The following CHST9 variants were observed in gnomAD, a reference collection of about 807,000 sequenced individuals.
CHST9 encodes the protein GalNAc-4-sulfotransferase 2.
Under a neutral mutation model 44.4 loss-of-function variants are expected in CHST9, and 41 were observed. The ratio of observed to expected loss-of-function variants is 0.92; its 90% CI spans 0.72 to 1.20. The LOEUF (loss-of-function observed/expected upper bound fraction) is 1.20, where lower values mean the gene tolerates loss of function less well. CHST9 is among the 50% of genes most tolerant of loss of function. CHST9 has a pLI of 0.00. For missense variants in CHST9, 504 were observed against 516.5 expected (o/e 0.98, Z 0.23); for synonymous variants, 171 against 178.4 (o/e 0.96, Z 0.33).
chr18:27,086,174 A>T (rs944833180), intron 2 of CHST9, among the ~76,000 whole-genome samples: 6 of 152,198 alleles, frequency 3.9e-5, no homozygotes. Context: ...TACTGTGATC[A>T]TTGCCTGGAT....
Position 27,022,502 on chromosome 18 carries a change from C to T in CHST9, c.202+1614G>A, listed in dbSNP as rs547220962. 8.6e-4 allele frequency among the ~76,000 whole-genome samples: 131 copies of T among 152,234 alleles called. 1 individual carries two copies. The highest frequency in any genetic ancestry group is 1.6e-3 in the Non-Finnish European group (107 of 68,006). Reference sequence around the variant, plus strand: ...TTCTCTAAACTCCAATTATTGTTTTCGACCACTTAAAGGGTATCTTTTCTT... The same window carrying T: ...TTCTCTAAACTCCAATTATTGTTTTTGACCACTTAAAGGGTATCTTTTCTT... On this transcript the variant is annotated intron_variant, in intron 4 of 5. Transcript: ENST00000618847.
chr18:27,076,843 G>A (rs1056113440), intron 2 of CHST9, among the ~76,000 whole-genome samples: 27 of 152,306 alleles, frequency 1.8e-4, no homozygotes, highest in African/African-American at 6.0e-4. Flanking sequence ...GGGAAAAGGA[G>A]ACGAGGCTAC....
intron 2 of CHST9, among the ~76,000 whole-genome samples, chr18:27,075,471 C>T (rs1468151336): frequency 2.0e-5 from 3 of 151,950 alleles, no homozygotes; most frequent in African/African-American, 4.8e-5. Context: ...TTCCTAGGTT[C>T]TGATTCAGTG....
At chr18:26,950,562 G>A (rs1026559198) in intron 4 of CHST9, among the ~76,000 whole-genome samples, 1 of 152,150 alleles carries the variant, frequency 6.6e-6, no homozygotes, top group South Asian at 2.1e-4. Context: ...TGAAACAATG[G>A]CATTTGCAAC....
rs984624458 is a variant in CHST9, at chr18:26,975,749, A to G, written c.203-31383T>C. Among the ~76,000 whole-genome samples, 3 of 140,034 alleles carry G rather than the reference A, an allele frequency of 2.1e-5. No individual in the cohort carries two copies. The East Asian group carries it at 6.5e-4, about 30-fold the overall frequency. 91.9% of individuals were successfully genotyped at this position (140,034 alleles called of 152,430 possible). Reference sequence around the variant, plus strand: ...TGTATATATATATATATATATATATATATATATATATATATAACATTTTCT... The same window carrying G: ...TGTATATATATATATATATATATATGTATATATATATATATAACATTTTCT... On this transcript the variant is annotated intron_variant, in intron 4 of 5. Transcript: ENST00000618847.
intron 4 of CHST9, among the ~76,000 whole-genome samples, chr18:26,981,699 T>G (rs986290777): frequency 3.3e-5 from 5 of 152,224 alleles, no homozygotes; most frequent in African/African-American, 1.2e-4. Context: ...TAACAAAGAC[T>G]TCCATTACAT....
chr18:26,921,237 C>T (rs1260931839), intron 5 of CHST9, among the ~76,000 whole-genome samples: 2 of 152,124 alleles, frequency 1.3e-5, no homozygotes, highest in Non-Finnish European at 2.9e-5. Flanking sequence ...GATGCAATGT[C>T]TTTCTTGTTT....
chr18:27,054,923 T>G (rs1453235835), intron 2 of CHST9, among the ~76,000 whole-genome samples: 1 of 152,180 alleles, frequency 6.6e-6, no homozygotes, highest in Non-Finnish European at 1.5e-5. Context: ...TATATTTTCA[T>G]GCTCAACTAT....
chr18:27,009,071 C>A (rs2057052470), intron 4 of CHST9, among the ~76,000 whole-genome samples: 1 of 152,094 alleles, frequency 6.6e-6, no homozygotes, highest in Non-Finnish European at 1.5e-5. Flanking sequence ...CACTGTATAT[C>A]AAGGACTTAA....
chr18:27,074,521 G>T (rs7238123), intron 2 of CHST9, among the ~76,000 whole-genome samples: 2 of 151,894 alleles, frequency 1.3e-5, no homozygotes, highest in African/African-American at 4.8e-5. Context: ...TCCTTCCCCC[G>T]TCTGTCAAAT....
chr18:26,920,889 GTC>G (rs1463939515), intron 5 of CHST9, among the ~76,000 whole-genome samples: 1 of 152,148 alleles, frequency 6.6e-6, no homozygotes, highest in Non-Finnish European at 1.5e-5. Flanking sequence ...TCAGTTCAAA[GTC>G]ACTCAACGCT....
At chr18:27,123,109 G>A (rs1286605159) in intron 2 of CHST9, among the ~76,000 whole-genome samples, 1 of 152,154 alleles carries the variant, frequency 6.6e-6, no homozygotes, top group African/African-American at 2.4e-5. Context: ...TCTTATATTA[G>A]ACACATTTCT....
chr18:27,091,979 T>G (rs534552015), intron 2 of CHST9, among the ~76,000 whole-genome samples: 1 of 152,248 alleles, frequency 6.6e-6, no homozygotes, highest in South Asian at 2.1e-4. Context: ...TCAGGGAGGA[T>G]TCCCTCTTTT....
chr18:26,993,953 C>G (rs952582757), intron 4 of CHST9, among the ~76,000 whole-genome samples: 1 of 152,226 alleles, frequency 6.6e-6, no homozygotes, highest in Non-Finnish European at 1.5e-5. Context: ...CCTCTCTCCT[C>G]GGCTGGGGGA....
At chr18:27,178,970 C>A (rs761207897) in intron 1 of CHST9, among the ~76,000 whole-genome samples, 65 of 151,656 alleles carry the variant, frequency 4.3e-4, no homozygotes, top group Non-Finnish European at 8.4e-4. Flanking sequence ...CTTAATAATA[C>A]CTCCTTTCCT....
intron 2 of CHST9, among the ~76,000 whole-genome samples, chr18:27,073,465 TGAGTAGCCCA>T (rs2057864727): frequency 6.6e-6 from 1 of 151,760 alleles, no homozygotes; most frequent in African/African-American, 2.4e-5. Context: ...ACCCTTAGAC[TGAGTAGCCCA>T]GACTGTAAAA....
At chr18:27,066,099 A>G (rs537898376) in intron 2 of CHST9, among the ~76,000 whole-genome samples, 1 of 152,386 alleles carries the variant, frequency 6.6e-6, no homozygotes, top group East Asian at 1.9e-4. Flanking sequence ...GGATCTTAAA[A>G]AATGGGTACC....
rs1224143709 is a variant in CHST9 at position 26,917,014 on chromosome 18, T to C, written c.577A>G (p.Ser193Gly). Residue 193 changes from serine (S) to glycine (G), a missense_variant, in exon 6 of 6, where the codon AGT becomes GGT. Ser to Gly is a moderately conservative substitution (Grantham distance 56). Coordinates refer to ENST00000618847, the MANE Select transcript of CHST9 (RefSeq NM_031422.6). ...TGAAAAAGATGTGACTGATGATGAC[T>C]CACCCCACCGTATTTCTTGCAAAAC... ...QEFCKKYGGV[S>G]HHQSHLFHTV... 1 of 1,613,936 alleles carries C rather than the reference T, an allele frequency of 6.2e-7. No individual in the cohort carries two copies. Among genetic ancestry groups the C allele is most frequent in the Non-Finnish European group, 8.5e-7 (1 of 1,179,882 alleles).
At chr18:27,057,721 G>C (rs570819704) in intron 2 of CHST9, among the ~76,000 whole-genome samples, 4 of 152,248 alleles carry the variant, frequency 2.6e-5, no homozygotes, top group African/African-American at 9.6e-5. Context: ...CCTTGGCAGG[G>C]CTGACTCTCC....
Sources: gnomAD v4.1 joint callset for allele counts (sites outside exome capture counted in the v4.1 genomes callset) on GRCh38, gnomAD v4.1.1 for gene constraint, MANE v1.5 for transcripts, NCBI Gene and HGNC (gene_info 2026-07-23, HGNC 2026-07-21) for gene names.